Variants in ASIC2 observed in about 807,000 individuals in gnomAD.
The protein encoded by ASIC2 is acid sensing ion channel subunit 2.
ASIC2 carries 25 observed loss-of-function variants against 57.3 expected under a neutral mutation model. The ratio of observed to expected loss-of-function variants is 0.44; its 90% CI spans 0.32 to 0.61. The LOEUF (loss-of-function observed/expected upper bound fraction) is 0.61, where lower values mean the gene tolerates loss of function less well. ASIC2 is among the 20% of genes least tolerant of loss of function. ASIC2 has a pLI of 0.06. For synonymous variants in ASIC2, 319 were observed against 307.5 expected (o/e 1.04, Z -0.39); for missense variants, 641 against 738.1 (o/e 0.87, Z 1.52).
At chr17:33,498,342 T>C (rs1168849523) in intron 1 of ASIC2, among the ~76,000 whole-genome samples, 2 of 152,060 alleles carry the variant, frequency 1.3e-5, no homozygotes, top group Non-Finnish European at 2.9e-5. Context: ...ATCAAAACAG[T>C]TCAGAACAAG....
At chr17:33,300,622 C>A (rs1905917721) in intron 1 of ASIC2, among the ~76,000 whole-genome samples, 1 of 152,204 alleles carries the variant, frequency 6.6e-6, no homozygotes, top group Non-Finnish European at 1.5e-5. Context: ...ATTTTCTTGT[C>A]ATATTTTTCT....
intron 1 of ASIC2, among the ~76,000 whole-genome samples, chr17:33,237,352 GTTTT>G (rs61364467): frequency 1.4e-5 from 2 of 143,346 alleles, no homozygotes; most frequent in Non-Finnish European, 3.1e-5. Context: ...CCACTTAGTA[GTTTT>G]TTTTTTTTTT....
intron 1 of ASIC2, among the ~76,000 whole-genome samples, chr17:33,720,457 G>T (rs1909353713): frequency 6.6e-6 from 1 of 152,184 alleles, no homozygotes; most frequent in Admixed American, 6.5e-5. Context: ...TGCAAAGGAA[G>T]AAATTGCAAG....
At chr17:33,410,320 T>C (rs368000668) in intron 1 of ASIC2, among the ~76,000 whole-genome samples, 2 of 152,180 alleles carry the variant, frequency 1.3e-5, no homozygotes, top group South Asian at 2.1e-4. Flanking sequence ...CCTCTTATAG[T>C]AGACTCTCAT....
chr17:33,656,515 G>C (rs1383242536), intron 1 of ASIC2, among the ~76,000 whole-genome samples: 1 of 152,186 alleles, frequency 6.6e-6, no homozygotes, highest in African/African-American at 2.4e-5. Context: ...CAAGTCTGAA[G>C]TATGCCCACT....
chr17:33,965,324 A>G (rs1005695456), intron 1 of ASIC2, among the ~76,000 whole-genome samples: 1 of 152,074 alleles, frequency 6.6e-6, no homozygotes, highest in Non-Finnish European at 1.5e-5. Context: ...TTTATATTCC[A>G]CTGTGGATTT....
At chr17:33,683,428 G>A (rs1404542829) in intron 1 of ASIC2, among the ~76,000 whole-genome samples, 3 of 152,216 alleles carry the variant, frequency 2.0e-5, no homozygotes, top group Non-Finnish European at 2.9e-5. Context: ...CTGGAGCACA[G>A]TGGTGCAAAC....
At chr17:33,695,733 T>C (rs1297136799) in intron 1 of ASIC2, among the ~76,000 whole-genome samples, 2 of 152,140 alleles carry the variant, frequency 1.3e-5, no homozygotes, top group African/African-American at 2.4e-5. Flanking sequence ...AAGACATATG[T>C]CCTCCATTCC....
At chr17:33,607,370 GC>G (rs1358898228) in intron 1 of ASIC2, among the ~76,000 whole-genome samples, 2 of 152,044 alleles carry the variant, frequency 1.3e-5, no homozygotes, top group African/African-American at 4.8e-5. Context: ...ACCTACTAGG[GC>G]CAGGCTCTGG....
chr17:33,414,402 G>A (rs1910767977), intron 1 of ASIC2, among the ~76,000 whole-genome samples: 1 of 152,196 alleles, frequency 6.6e-6, no homozygotes, highest in Admixed American at 6.5e-5. Flanking sequence ...ATGCCCATTG[G>A]CCAGGGGAGA....
intron 2 of ASIC2, among the ~76,000 whole-genome samples, chr17:33,102,974 A>T (rs12453934): frequency 2.0e-3 from 305 of 152,078 alleles, no homozygotes; most frequent in Admixed American, 3.4e-3. Flanking sequence ...CAGTAGAGAC[A>T]GGGTTTCACC....
chr17:33,603,043 C>T (rs541111010), intron 1 of ASIC2, among the ~76,000 whole-genome samples: 9 of 152,328 alleles, frequency 5.9e-5, no homozygotes, highest in African/African-American at 2.2e-4. Flanking sequence ...TGCCAGTCTT[C>T]CTAGCTCTGC....
chr17:33,671,754 G>T (rs1907645508), intron 1 of ASIC2, among the ~76,000 whole-genome samples: 1 of 152,154 alleles, frequency 6.6e-6, no homozygotes, highest in Non-Finnish European at 1.5e-5. Context: ...TGTCTCTATG[G>T]CCTGGTCTGG....
chr17:33,339,452 G>A (rs558148611), intron 1 of ASIC2, among the ~76,000 whole-genome samples: 1 of 152,328 alleles, frequency 6.6e-6, no homozygotes, highest in African/African-American at 2.4e-5. Flanking sequence ...AAAGATAGAT[G>A]TAGCTGCATT....
At chr17:33,620,877 C>T (rs1465349204) in intron 1 of ASIC2, among the ~76,000 whole-genome samples, 3 of 152,034 alleles carry the variant, frequency 2.0e-5, no homozygotes, top group Non-Finnish European at 4.4e-5. Context: ...ACCATGCACC[C>T]CCAGCCCCCA....
At chr17:33,716,912 T>G (rs1331552933) in intron 1 of ASIC2, among the ~76,000 whole-genome samples, 1 of 152,198 alleles carries the variant, frequency 6.6e-6, no homozygotes, top group Non-Finnish European at 1.5e-5. Context: ...ATGTGCTCAA[T>G]AAAGATGAAT....
At chr17:33,751,966 G>C (rs1359945587) in intron 1 of ASIC2, among the ~76,000 whole-genome samples, 1 of 145,800 alleles carries the variant, frequency 6.9e-6, no homozygotes, top group African/African-American at 2.5e-5. Context: ...GTGGGGGTGG[G>C]GAAGATTATA....
chr17:33,845,365 C>G (rs1368611915), intron 1 of ASIC2, among the ~76,000 whole-genome samples: 1 of 151,986 alleles, frequency 6.6e-6, no homozygotes, highest in Non-Finnish European at 1.5e-5. Context: ...AGTAATATTA[C>G]CAGAATGCTT....
chr17:33,628,830 A>G (rs986042101), intron 1 of ASIC2, among the ~76,000 whole-genome samples: 3 of 152,220 alleles, frequency 2.0e-5, no homozygotes, highest in African/African-American at 7.2e-5. Context: ...ATCAATGCCA[A>G]TGTTCACCTT....
Sources: gnomAD v4.1 joint callset for allele counts (sites outside exome capture counted in the v4.1 genomes callset) on GRCh38, gnomAD v4.1.1 for gene constraint, MANE v1.5 for transcripts, NCBI Gene and HGNC (gene_info 2026-07-23, HGNC 2026-07-21) for gene names.